PIM2: variants seen among roughly 807,000 people sequenced by gnomAD.
The protein encoded by PIM2 is serine/threonine-protein kinase pim-2.
In PIM2, 3 loss-of-function variants were observed where a neutral mutation model predicts 18.0. The ratio of observed to expected loss-of-function variants is 0.17; its 90% CI spans 0.08 to 0.43. The LOEUF (loss-of-function observed/expected upper bound fraction) is 0.43. Among genes scored for constraint, PIM2 ranks in the 20% least tolerant of loss-of-function variants. The pLI is 0.99. For synonymous variants in PIM2, 117 were observed against 105.3 expected (o/e 1.11, Z -0.68); for missense variants, 181 against 260.8 (o/e 0.69, Z 2.11).
chrX:48,915,701 T>C, intron 3 of PIM2: 1 of 213,372 alleles, frequency 4.7e-6, no homozygotes, highest in Non-Finnish European at 8.5e-6. Flanking sequence ...TTTGGGAGGC[T>C]GATGTGGGTG....
intron 2 of PIM2, among the ~76,000 whole-genome samples, chrX:48,918,162 G>A (rs2063568232): frequency 9.2e-6 from 1 of 108,531 alleles, no homozygotes; most frequent in African/African-American, 3.4e-5. Context: ...CTCTGTACCA[G>A]GGTCCTGGTC....
At chrX:48,917,673 T>A in intron 3 of PIM2, 108 bp downstream of exon 3, 1 of 565,507 alleles carries the variant, frequency 1.8e-6, no homozygotes, top group Non-Finnish European at 3.0e-6. Context: ...GCTGGCAGTA[T>A]TCTCACTGTT....
intron 2 of PIM2, among the ~76,000 whole-genome samples, chrX:48,918,295 C>G (rs2239452): frequency 0.096 from 4,496 of 46,731 alleles, 249 homozygotes; most frequent in South Asian, 0.28. Context: ...TCTGAAGCCC[C>G]CTGCCCCCCC....
intron 2 of PIM2, 115 bp downstream of exon 2, chrX:48,918,421 A>C (rs1319132263): frequency 1.8e-5 from 9 of 496,389 alleles, no homozygotes; most frequent in Middle Eastern, 4.0e-4. Flanking sequence ...ACACACACAC[A>C]CCTGGTCCTC....
Position 48,915,200 on chromosome X carries a change from G to T in PIM2, c.415C>A (p.Pro139Thr). 6 of 1,212,203 alleles carry T rather than the reference G, an allele frequency of 4.9e-6. No individual in the cohort carries two copies. Among genetic ancestry groups the T allele is most frequent in the Non-Finnish European group, 6.7e-6 (6 of 895,527 alleles). Residue 139 changes from proline (P) to threonine (T), a missense_variant, in exon 4 of 6, where the codon CCA becomes ACA. Transcript: ENST00000376509. ...ACTTGGCCAAAGAAGCAGCGGCTTG[G>T]GCCTTCACCCAGTGGGCCCTTCTCT... ...ITEKGPLGEG[P>T]SRCFFGQVVA...
Position 48,913,799 on chromosome X carries a change from C to T in PIM2, c.*332G>A, listed in dbSNP as rs2063555410. Reference sequence around the variant, plus strand: ...TAGGAGGTGCCAATGTGGGGTGACACATCATCAGAATAAGAGTCCCGGGGC... The same window carrying T: ...TAGGAGGTGCCAATGTGGGGTGACATATCATCAGAATAAGAGTCCCGGGGC... On this transcript the variant is annotated 3_prime_UTR_variant, in exon 6 of 6. Transcript: ENST00000376509. 1 of 187,504 alleles carries T rather than the reference C, an allele frequency of 5.3e-6. No homozygotes were observed. 15.5% of individuals were successfully genotyped at this position (187,504 alleles called of 1,213,427 possible).
chrX:48,915,269 G>A lies in PIM2; in HGVS notation c.346C>T (p.Leu116Phe). 2 of 1,212,162 alleles carry A rather than the reference G, an allele frequency of 1.6e-6. No homozygotes were observed. Among genetic ancestry groups the A allele is most frequent in the Non-Finnish European group, 2.2e-6 (2 of 895,555 alleles). The change falls in exon 4 of 6, where the codon CTC (leucine) becomes TTC (phenylalanine). Residue 116 changes from leucine (L) to phenylalanine (F), a missense_variant. Leu to Phe is a conservative substitution (Grantham distance 22). Transcript: ENST00000376509. ...FETQEGFMLV[L>F]ERPLPAQDLF... Reference sequence around the variant, plus strand: ...TCCTGGGCGGGCAAAGGCCGCTCGAGGACCAGCATGAAGCCCTCCTGTGTC... The same window carrying A: ...TCCTGGGCGGGCAAAGGCCGCTCGAAGACCAGCATGAAGCCCTCCTGTGTC...
rs782172388 is a variant in PIM2, at chrX:48,917,797, A to C, written c.206T>G (p.Leu69Arg). Residue 69 changes from leucine to arginine, a missense_variant, in exon 3 of 6, where the codon CTG becomes CGG. By Grantham distance (102) the Leu-to-Arg change is moderately radical (BLOSUM62 -2). Coordinates refer to ENST00000376509, the MANE Select transcript of PIM2 (RefSeq NM_006875.4). ...GGTACTCACCAAGGGGGACCAGCCC[A>C]GCACACGATTCCGGGGAATCACTTT... is the stretch of plus-strand genomic sequence containing the variant. ...AIKVIPRNRV[L>R]GWSPLSDSVT... 3 of 1,205,870 alleles carry C rather than the reference A, an allele frequency of 2.5e-6. No individual in the cohort carries two copies.
In PIM2 at chrX:48,914,249, G is replaced by T. The variant is rs2063557025; in HGVS notation, c.818C>A (p.Ser273Tyr). Residue 273 changes from serine to tyrosine, a missense_variant, in exon 6 of 6, where the codon TCC becomes TAC. Physicochemically the swap from Ser to Tyr is moderately radical, Grantham distance 144. Transcript: ENST00000376509. ...IRRCLAPKPS[S>Y]RPSLEEILLD... Reference sequence around the variant, plus strand: ...CAGGATCTCTTCCAGTGAGGGTCGGGAAGAAGGTTTGGGGGCCAGGCACCG... The same window carrying T: ...CAGGATCTCTTCCAGTGAGGGTCGGTAAGAAGGTTTGGGGGCCAGGCACCG... 1 of 1,207,641 alleles carries T rather than the reference G, an allele frequency of 8.3e-7. No individual in the cohort carries two copies. Among genetic ancestry groups the T allele is most frequent in the East Asian group, 3.0e-5 (1 of 33,726 alleles).
chrX:48,915,569 G>A (rs1226283160), intron 3 of PIM2, 177 bp from the exon 4 acceptor site: 11 of 438,516 alleles, frequency 2.5e-5, no homozygotes, highest in South Asian at 3.8e-5. Flanking sequence ...CTCACACAGC[G>A]ATTGAGAGGG....
intron 2 of PIM2, among the ~76,000 whole-genome samples, chrX:48,918,173 C>T (rs2063568267): frequency 9.2e-6 from 1 of 108,335 alleles, no homozygotes; most frequent in African/African-American, 3.4e-5. Flanking sequence ...GGTCCTGGTC[C>T]GCATGACTCC....
Position 48,915,266 on chromosome X carries a change from C to T in PIM2, c.349G>A (p.Glu117Lys), listed in dbSNP as rs1557045116. The change falls in exon 4 of 6, where the codon GAG becomes AAG. Residue 117 changes from glutamate to lysine, a missense_variant. Around this residue, in one of 5 missense-constraint regions of PIM2, gnomAD observed 104 missense variants for 125.3 expected, o/e 0.83. Transcript: ENST00000376509. ...ETQEGFMLVLERPLPAQDLFD... is the reference protein window; with the variant it reads ...ETQEGFMLVLKRPLPAQDLFD... ...AGATCCTGGGCGGGCAAAGGCCGCT[C>T]GAGGACCAGCATGAAGCCCTCCTGT... 8.3e-7 allele frequency: 1 copy of T among 1,211,969 alleles called. No individual in the cohort carries two copies.
chrX:48,918,298 G>T (rs1301742937), intron 2 of PIM2, among the ~76,000 whole-genome samples: 2 of 25,004 alleles, frequency 8.0e-5, no homozygotes, highest in Non-Finnish European at 6.7e-5. Context: ...GAAGCCCCCT[G>T]CCCCCCCCCC....
intron 3 of PIM2, chrX:48,915,643 G>A (rs1448063912): frequency 1.2e-5 from 4 of 330,431 alleles, no homozygotes; most frequent in African/African-American, 5.3e-5. Context: ...TTGAATAAAC[G>A]AAAGAAGTTC....
intron 3 of PIM2, chrX:48,915,675 C>T: frequency 3.8e-6 from 1 of 262,882 alleles, no homozygotes; most frequent in Non-Finnish European, 6.8e-6. Context: ...GTGGCTCATC[C>T]CTGCAATCCC....
rs1451058077 is a variant in PIM2 at position 48,913,393 on chromosome X, C to A, written c.*738G>T. ...GCGCCCCAGGAGAACAAACAGCAAGCCTTATTTCCCCTAGCCCATCCCCCA... is the reference window on the plus strand; with the variant it reads ...GCGCCCCAGGAGAACAAACAGCAAGACTTATTTCCCCTAGCCCATCCCCCA... On this transcript the variant is annotated 3_prime_UTR_variant, in exon 6 of 6. Transcript: ENST00000376509. 1 of 108,459 alleles carries A rather than the reference C, an allele frequency of 9.2e-6. No homozygotes were observed. Among genetic ancestry groups the A allele is most frequent in the East Asian group, 2.9e-4 (1 of 3,484 alleles). The allele number at this position is 108,459 out of a possible 1,213,427, so 8.9% of individuals were successfully genotyped here. A position where few individuals can be genotyped will look rare whatever the true frequency, so the allele number is the denominator to read the frequency against.
chrX:48,918,267 G>A (rs1267999938), intron 2 of PIM2, among the ~76,000 whole-genome samples: 1 of 100,454 alleles, frequency 1.0e-5, no homozygotes, highest in Non-Finnish European at 2.0e-5. Flanking sequence ...TGGACCCCGG[G>A]GTCAAGGAAC....
In PIM2 at chrX:48,914,276, C is replaced by A. The variant is rs371741238; in HGVS notation, c.791G>T (p.Arg264Leu). 8.3e-7 allele frequency: 1 copy of A among 1,209,464 alleles called. No homozygotes were observed. Among genetic ancestry groups the A allele is most frequent in the Admixed American group, 2.2e-5 (1 of 45,760 alleles). The change falls in exon 6 of 6, where the codon CGC becomes CTC. Residue 264 changes from arginine to leucine, a missense_variant. By Grantham distance (102) the Arg-to-Leu change is moderately radical. Around this residue, in one of 5 missense-constraint regions of PIM2, gnomAD observed 41 missense variants for 52.0 expected, o/e 0.79. Transcript: ENST00000376509. ...AGAAGGTTTGGGGGCCAGGCACCGG[C>A]GGATTAGGGCACAGCAGTCTGTAGG... ...HVSPDCCALI[R>L]RCLAPKPSSR...
rs2063571163 is a variant in PIM2 at position 48,918,876 on chromosome X, G to A, written c.-42C>T. The A allele has an allele frequency of 2.7e-6, 3 of 1,130,373 alleles. No individual in the cohort carries two copies. Among genetic ancestry groups the A allele is most frequent in the South Asian group, 3.9e-5 (2 of 51,222 alleles). 93.2% of individuals were successfully genotyped at this position (1,130,373 alleles called of 1,213,427 possible). ...AGATTGAGCCCACTGAACCCGCTAA[G>A]CCCGCAGGGCGTGGACGCCCGGGGC... On this transcript the variant is annotated 5_prime_UTR_variant, in exon 1 of 6. Coordinates refer to ENST00000376509, the MANE Select transcript of PIM2 (RefSeq NM_006875.4).
Sources: gnomAD v4.1 joint callset for allele counts (sites outside exome capture counted in the v4.1 genomes callset) on GRCh38, gnomAD v4.1.1 for gene constraint, gnomAD v4.1.1 regional missense constraint, MANE v1.5 for transcripts, NCBI Gene and HGNC (gene_info 2026-07-23, HGNC 2026-07-21) for gene names.